PLD1: variants seen among roughly 807,000 people sequenced by gnomAD.
PLD1 encodes phospholipase D1.
A neutral mutation model predicts 137.1 loss-of-function variants in PLD1; 112 were observed. That is an observed-to-expected ratio of 0.82 (90% confidence interval 0.70 to 0.96). The LOEUF is 0.96. Among genes scored for constraint, PLD1 ranks in the 40% least tolerant of loss-of-function variants. The probability of loss-of-function intolerance (pLI) is 0.00; values close to 1 mark genes in which losing one functional copy is unlikely to be tolerated. For synonymous variants in PLD1, 431 were observed against 454.7 expected (o/e 0.95, Z 0.66); for missense variants, 1,321 against 1,342.0 (o/e 0.98, Z 0.24).
chr3:171,675,006 G>GA (rs1418136625), intron 18 of PLD1, among the ~76,000 whole-genome samples: 3 of 139,472 alleles, frequency 2.2e-5, no homozygotes, highest in African/African-American at 8.0e-5. Context: ...AAAAGAAAAA[G>GA]AAAAGAAAAG....
chr3:171,680,474 T>C (rs1345216056), intron 16 of PLD1, among the ~76,000 whole-genome samples: 2 of 152,090 alleles, frequency 1.3e-5, no homozygotes, highest in East Asian at 1.9e-4. Flanking sequence ...GACCTCGTGA[T>C]CTGCCTGCCT....
intron 1 of PLD1, among the ~76,000 whole-genome samples, chr3:171,749,826 G>A (rs990757300): frequency 4.6e-5 from 7 of 152,162 alleles, no homozygotes; most frequent in Non-Finnish European, 7.4e-5. Context: ...ATAGGCTGAC[G>A]CTTGAACTAC....
At chr3:171,626,477 A>C (rs897087788) in intron 23 of PLD1, among the ~76,000 whole-genome samples, 2 of 152,202 alleles carry the variant, frequency 1.3e-5, no homozygotes, top group Non-Finnish European at 2.9e-5. Context: ...GCAGGCCAAC[A>C]TTCAGATTCA....
At chr3:171,627,769 A>G (rs1249391067) in intron 23 of PLD1, among the ~76,000 whole-genome samples, 1 of 152,228 alleles carries the variant, frequency 6.6e-6, no homozygotes, top group African/African-American at 2.4e-5. Context: ...TACTGGGTAC[A>G]TAACGAAATG....
chr3:171,761,251 C>G (rs1433078516), intron 1 of PLD1, among the ~76,000 whole-genome samples: 1 of 152,050 alleles, frequency 6.6e-6, no homozygotes, highest in East Asian at 1.9e-4. Context: ...TCTGGATATC[C>G]CCTTCTACAG....
intron 1 of PLD1, chr3:171,792,844 CA>C (rs1176815978): frequency 2.6e-6 from 1 of 386,512 alleles, no homozygotes; most frequent in Admixed American, 3.0e-5. Context: ...TTCAGGAGGA[CA>C]CCAGCTATGG....
intron 13 of PLD1, among the ~76,000 whole-genome samples, chr3:171,690,358 C>T (rs935856361): frequency 6.6e-6 from 1 of 151,936 alleles, no homozygotes; most frequent in Non-Finnish European, 1.5e-5. Flanking sequence ...GTTTTATTTC[C>T]CACTGCTCCA....
intron 1 of PLD1, among the ~76,000 whole-genome samples, chr3:171,790,422 A>C (rs760759284): frequency 1.3e-5 from 2 of 152,084 alleles, no homozygotes; most frequent in Non-Finnish European, 2.9e-5. Context: ...ACAGAGGAAG[A>C]CCTCTTGGCG....
intron 21 of PLD1, chr3:171,653,239 A>G (rs1016066976): frequency 6.6e-6 from 1 of 152,214 alleles, no homozygotes; most frequent in Admixed American, 6.5e-5. Flanking sequence ...AGACTCAGAA[A>G]CTATTTGGTA....
rs908205041 is a variant in PLD1, at chr3:171,662,286, G to A, written c.2230-116C>T. 1.2e-5 allele frequency: 8 copies of A among 644,896 alleles called. No homozygotes were observed. The Admixed American group carries it at 1.7e-4, about 14-fold the overall frequency. The allele number at this position is 644,896 out of a possible 1,614,324, so 39.9% of individuals were successfully genotyped here. On this transcript the variant is annotated intron_variant, in intron 19 of 26. Coordinates refer to ENST00000351298, the MANE Select transcript of PLD1 (RefSeq NM_002662.5). ...GACGACTGAATGATTACAGTGGCTTGAGTGTCATGTGTGAACCAAAGGAGA... is the reference window on the plus strand; with the variant it reads ...GACGACTGAATGATTACAGTGGCTTAAGTGTCATGTGTGAACCAAAGGAGA...
At chr3:171,796,090 C>T (rs952300841) in intron 1 of PLD1, among the ~76,000 whole-genome samples, 7 of 152,152 alleles carry the variant, frequency 4.6e-5, no homozygotes, top group African/African-American at 1.7e-4. Flanking sequence ...TACTCTTACC[C>T]AATGATTCAA....
intron 1 of PLD1, among the ~76,000 whole-genome samples, chr3:171,745,974 G>T (rs1043155646): frequency 2.6e-5 from 4 of 152,150 alleles, no homozygotes; most frequent in African/African-American, 4.8e-5. Context: ...GGCAAGTCCC[G>T]CACTCAGAGC....
intron 6 of PLD1, among the ~76,000 whole-genome samples, chr3:171,727,467 T>A (rs1034751670): frequency 3.3e-5 from 5 of 152,218 alleles, no homozygotes; most frequent in African/African-American, 1.2e-4. Context: ...ATGTTTAGCA[T>A]ATGCAGATTT....
intron 6 of PLD1, among the ~76,000 whole-genome samples, chr3:171,731,806 C>A (rs1186542397): frequency 1.3e-5 from 2 of 152,042 alleles, no homozygotes; most frequent in African/African-American, 2.4e-5. Context: ...AGAGGAGAAT[C>A]TATTCACAGT....
intron 12 of PLD1, among the ~76,000 whole-genome samples, chr3:171,693,691 AC>A (rs1221015592): frequency 6.6e-6 from 1 of 152,158 alleles, no homozygotes; most frequent in Admixed American, 6.5e-5. Flanking sequence ...TATCTAAATG[AC>A]ACCTGGCATT....
chr3:171,674,350 TA>T (rs755484241), intron 19 of PLD1, 149 bp downstream of exon 19: 15 of 448,674 alleles, frequency 3.3e-5, no homozygotes, highest in East Asian at 2.5e-4. Context: ...ACATAGGAAA[TA>T]TAATAACAAG....
At chr3:171,613,893 A>G (rs1038543991) in intron 24 of PLD1, among the ~76,000 whole-genome samples, 3 of 152,162 alleles carry the variant, frequency 2.0e-5, no homozygotes, top group African/African-American at 4.8e-5. Context: ...AAAGGGCCTG[A>G]CTGACTCTTC....
intron 16 of PLD1, among the ~76,000 whole-genome samples, chr3:171,683,712 ACTCT>A (rs759736355): frequency 1.3e-5 from 2 of 151,958 alleles, no homozygotes; most frequent in African/African-American, 4.8e-5. Flanking sequence ...AATGTGTTTG[ACTCT>A]CTATTTGTAT....
In PLD1 at chr3:171,713,984, A is replaced by G; in HGVS notation, c.820T>C (p.Phe274Leu). 1 of 1,610,370 alleles carries G rather than the reference A, an allele frequency of 6.2e-7. No homozygotes were observed. The highest frequency in any genetic ancestry group is 8.5e-7 in the Non-Finnish European group (1 of 1,176,540). The change falls in exon 9 of 27, where the codon TTC (phenylalanine) becomes CTC (leucine). Residue 274 changes from phenylalanine to leucine, a missense_variant. By Grantham distance (22) the Phe-to-Leu change is conservative (BLOSUM62 0). Coordinates refer to ENST00000351298, the MANE Select transcript of PLD1 (RefSeq NM_002662.5). Reference protein sequence around the residue: ...YMKPDSGAIAFVLLVDKEFKI... With the variant: ...YMKPDSGAIALVLLVDKEFKI... ...AATTCTTTGTCTACCAGCAGGACGAAGGCAATGGCACCGCTGTCTGGTTTC... is the reference window on the plus strand; with the variant it reads ...AATTCTTTGTCTACCAGCAGGACGAGGGCAATGGCACCGCTGTCTGGTTTC...
Sources: allele counts gnomAD v4.1 joint callset (sites outside exome capture counted in the v4.1 genomes callset), GRCh38; gene constraint gnomAD v4.1.1; transcripts MANE v1.5; gene names NCBI Gene and HGNC (gene_info 2026-07-23, HGNC 2026-07-21).